NAV2: variants seen among roughly 807,000 people sequenced by gnomAD.
The protein encoded by NAV2 is helicase, APC down-regulated 1.
Under a neutral mutation model 223.2 loss-of-function variants are expected in NAV2, and 54 were observed. The ratio of observed to expected loss-of-function variants is 0.24; its 90% CI spans 0.19 to 0.30. The LOEUF (loss-of-function observed/expected upper bound fraction) is 0.30. NAV2 is among the 10% of genes least tolerant of loss of function. The probability of loss-of-function intolerance (pLI) is 1.00; values close to 1 mark genes in which losing one functional copy is unlikely to be tolerated. For synonymous variants in NAV2, 1,279 were observed against 1,239.3 expected (o/e 1.03, Z -0.67); for missense variants, 2,806 against 3,147.5 (o/e 0.89, Z 2.60).
intron 37 of NAV2, among the ~76,000 whole-genome samples, chr11:20,117,702 G>C (rs1237161762): frequency 1.3e-5 from 2 of 152,150 alleles, no homozygotes; most frequent in African/African-American, 4.8e-5. Flanking sequence ...CTGATGCCAA[G>C]TTCCAGGAAC....
At chr11:19,965,376 G>C (rs1250793150) in intron 10 of NAV2, among the ~76,000 whole-genome samples, 1 of 151,978 alleles carries the variant, frequency 6.6e-6, no homozygotes, top group Non-Finnish European at 1.5e-5. Flanking sequence ...TTTCTTCTGT[G>C]TTTCCACCAT....
chr11:19,526,402 C>T (rs2134378524), intron 1 of NAV2, among the ~76,000 whole-genome samples: 1 of 152,162 alleles, frequency 6.6e-6, no homozygotes, highest in African/African-American at 2.4e-5. Context: ...AATTCCAACT[C>T]TGCATTTGAA....
chr11:19,998,137 A>G lies in NAV2; in HGVS notation c.2768+13890A>G, dbSNP rs576789849. ...GTTTGCTATATTTTAGGTAATTAAT[A>G]TTATCCTAAGATAATTGATAAGACT... On this transcript the variant is annotated intron_variant, in intron 11 of 37. Coordinates refer to ENST00000349880, the MANE Select transcript of NAV2 (RefSeq NM_145117.5). This position sits in a 1 kb window ranked among gnomAD's most constrained non-coding sequence, Gnocchi z 5.0. Among the ~76,000 whole-genome samples the G allele has an allele frequency of 4.4e-4, 67 of 152,226 alleles. No homozygotes were observed. In the Middle Eastern group the frequency reaches 0.014, roughly 31 times the overall value.
intron 1 of NAV2, among the ~76,000 whole-genome samples, chr11:19,719,641 C>T (rs548902019): frequency 1.3e-5 from 2 of 152,322 alleles, no homozygotes; most frequent in South Asian, 4.1e-4. Context: ...TCATTCCAAG[C>T]TCACGTTCTT....
At chr11:19,696,436 T>C (rs1338840153) in intron 1 of NAV2, among the ~76,000 whole-genome samples, 25 of 152,278 alleles carry the variant, frequency 1.6e-4, no homozygotes, top group Admixed American at 1.6e-3. Context: ...AGTCTCCTTC[T>C]CTTTTGTGTG....
intron 1 of NAV2, among the ~76,000 whole-genome samples, chr11:19,741,984 C>G (rs1167608250): frequency 6.7e-6 from 1 of 149,404 alleles, no homozygotes; most frequent in Admixed American, 6.9e-5. Context: ...GTTACCTTTT[C>G]TCCACATCCT....
intron 10 of NAV2, chr11:19,979,180 G>A (rs1421976051): frequency 6.6e-6 from 1 of 152,212 alleles, no homozygotes; most frequent in African/African-American, 2.4e-5. Context: ...CTAGGAAATG[G>A]TGTGTTCTGA....
intron 1 of NAV2, among the ~76,000 whole-genome samples, chr11:19,628,945 C>A (rs1033377353): frequency 9.2e-5 from 14 of 152,276 alleles, no homozygotes; most frequent in African/African-American, 3.4e-4. Flanking sequence ...CCACCCTGAC[C>A]TTGCTGCAAG....
chr11:19,362,091 G>C lies in NAV2; in HGVS notation c.75+11064G>C, dbSNP rs148665272. ...GCAATTGGTGAGGCCCTGTAATGCA[G>C]GTGCAGGTATACACTGTCACTTTAA... is the stretch of plus-strand genomic sequence containing the variant. On this transcript the variant is annotated intron_variant, in intron 1 of 37. Transcript: ENST00000360655. 6.7e-3 allele frequency among the ~76,000 whole-genome samples: 1,021 copies of C among 152,284 alleles called. 5 individuals are homozygous for C. The highest frequency in any genetic ancestry group is 0.011 in the Non-Finnish European group (754 of 68,008).
Position 19,735,598 on chromosome 11 carries a change from A to G in NAV2, c.267+21636A>G, listed in dbSNP as rs534903803. Reference sequence around the variant, plus strand: ...GCTTAGAGCAAGTCACTTGCTAAGAATTATATAGCTAAATCAGAGCCACAA... The same window carrying G: ...GCTTAGAGCAAGTCACTTGCTAAGAGTTATATAGCTAAATCAGAGCCACAA... On this transcript the variant is annotated intron_variant, in intron 1 of 37. Coordinates refer to ENST00000349880, the MANE Select transcript of NAV2 (RefSeq NM_145117.5). 9.8e-5 allele frequency among the ~76,000 whole-genome samples: 15 copies of G among 152,346 alleles called. No individual in the cohort carries two copies. In the South Asian group the frequency reaches 3.1e-3, roughly 32 times the overall value.
At position 19,828,107 on chromosome 11, in the gene NAV2, T is replaced by G. The variant is rs542153184; in HGVS notation, c.268-4377T>G. On this transcript the variant is annotated intron_variant, in intron 1 of 37. Coordinates refer to ENST00000349880, the MANE Select transcript of NAV2 (RefSeq NM_145117.5). ...AGTTCGAAGCTGCAGTGAGCTTTGA[T>G]TACCCCACTGCACCCCAGCCTGGGA... Among the ~76,000 whole-genome samples the G allele has an allele frequency of 1.1e-4, 17 of 152,240 alleles. No homozygotes were observed. In the South Asian group the frequency reaches 3.5e-3, roughly 32 times the overall value.
chr11:19,973,176 T>C (rs1039834609), intron 10 of NAV2, among the ~76,000 whole-genome samples: 1 of 152,172 alleles, frequency 6.6e-6, no homozygotes, highest in African/African-American at 2.4e-5. Context: ...AGCTGATTTC[T>C]CCCCAGTTTG....
At chr11:19,730,299 CGTT>C (rs934637494) in intron 1 of NAV2, among the ~76,000 whole-genome samples, 15 of 152,320 alleles carry the variant, frequency 9.8e-5, no homozygotes, top group African/African-American at 2.9e-4. Context: ...CCTTCAGTAA[CGTT>C]GTGCTGCTGC....
intron 1 of NAV2, among the ~76,000 whole-genome samples, chr11:19,414,611 G>C (rs1372687750): frequency 6.6e-6 from 1 of 152,218 alleles, no homozygotes; most frequent in Non-Finnish European, 1.5e-5. Flanking sequence ...GACATTGACA[G>C]AACTCTCCAC....
At chr11:19,548,635 G>A (rs888273465) in intron 1 of NAV2, among the ~76,000 whole-genome samples, 11 of 151,726 alleles carry the variant, frequency 7.2e-5, no homozygotes, top group Admixed American at 4.6e-4. Context: ...TTGGGAGGCC[G>A]AGGTGGGCGG....
At chr11:20,032,708 A>G (rs1183157777) in intron 11 of NAV2, among the ~76,000 whole-genome samples, 10 of 152,208 alleles carry the variant, frequency 6.6e-5, no homozygotes, top group Non-Finnish European at 7.3e-5. Flanking sequence ...TGTGGTTACC[A>G]GCCTAGGTGA....
chr11:19,368,251 A>ACAGC (rs1848356291), intron 1 of NAV2, among the ~76,000 whole-genome samples: 2 of 152,226 alleles, frequency 1.3e-5, no homozygotes, highest in South Asian at 2.1e-4. Context: ...GAGGCAAGGA[A>ACAGC]CAGCCAGCCA....
intron 1 of NAV2, among the ~76,000 whole-genome samples, chr11:19,763,477 G>A (rs1258362734): frequency 1.3e-5 from 2 of 151,310 alleles, no homozygotes; most frequent in Non-Finnish European, 3.0e-5. Flanking sequence ...TCAGGGCCAA[G>A]GGTGAGACTT....
At chr11:19,417,180 T>A (rs533612595) in intron 1 of NAV2, among the ~76,000 whole-genome samples, 52 of 151,896 alleles carry the variant, frequency 3.4e-4, no homozygotes, top group Admixed American at 1.0e-3. Context: ...TGGGAGAAAA[T>A]TTTTGCGATC....
Sources: gnomAD v4.1 joint callset for allele counts (sites outside exome capture counted in the v4.1 genomes callset) on GRCh38, gnomAD v4.1.1 for gene constraint, Gnocchi (gnomAD v3.1) non-coding constraint, MANE v1.5 for transcripts, NCBI Gene and HGNC (gene_info 2026-07-23, HGNC 2026-07-21) for gene names.